The following SLC22A14 variants were observed in gnomAD, a reference collection of about 807,000 sequenced individuals.
SLC22A14 encodes the protein organic cation transporter-like 4.
A neutral mutation model predicts 53.9 loss-of-function variants in SLC22A14; 50 were observed. The observed-to-expected ratio is 0.93, with a 90% confidence interval of 0.74 to 1.17. The LOEUF is 1.17. Among genes scored for constraint, SLC22A14 ranks in the 50% most tolerant of loss-of-function variants. The pLI is 0.00. For missense variants in SLC22A14, 671 were observed against 734.7 expected, an observed-to-expected ratio of 0.91 and a Z score of 1.00; for synonymous variants, 312 against 303.0, an observed-to-expected ratio of 1.03 and a Z score of -0.31.
At chr3:38,290,641 T>A (rs1000223755) in intron 1 of SLC22A14, among the ~76,000 whole-genome samples, 1 of 152,218 alleles carries the variant, frequency 6.6e-6, no homozygotes, top group Admixed American at 6.5e-5. Flanking sequence ...TTTTAAGTAA[T>A]TTTCATTGGT....
intron 1 of SLC22A14, among the ~76,000 whole-genome samples, chr3:38,298,068 T>C (rs1365485501): frequency 6.6e-6 from 1 of 152,178 alleles, no homozygotes; most frequent in African/African-American, 2.4e-5. Flanking sequence ...CTTATTTATA[T>C]TATTATGGAC....
Position 38,307,449 on chromosome 3 carries a change from G to A in SLC22A14, c.620+92G>A, listed in dbSNP as rs975274224. 1 of 1,533,610 alleles carries A rather than the reference G, an allele frequency of 6.5e-7. No homozygotes were observed. The highest frequency in any genetic ancestry group is 1.1e-5 in the South Asian group (1 of 89,350). On this transcript the variant is annotated intron_variant, in intron 3 of 10. Transcript: ENST00000448498. This position sits in a 1 kb window ranked among gnomAD's most constrained non-coding sequence, Gnocchi z 4.4. ...TGGAGTGTGTCAGGCTGAGGGAGGT[G>A]AGGGTAGGGGTTCTCCAGGGACCCA... is the stretch of plus-strand genomic sequence containing the variant.
chr3:38,280,149 G>A (rs1484963346), upstream of SLC22A14, among the ~76,000 whole-genome samples: 1 of 152,152 alleles, frequency 6.6e-6, no homozygotes, highest in Non-Finnish European at 1.5e-5. Context: ...AGAGAACTGC[G>A]CATGCTGGAG....
At chr3:38,302,940 ACTTT>A (rs1407454467) in intron 1 of SLC22A14, among the ~76,000 whole-genome samples, 2 of 152,066 alleles carry the variant, frequency 1.3e-5, no homozygotes, top group Non-Finnish European at 2.9e-5. Context: ...AACTTTTAAG[ACTTT>A]CTATTTATTC....
rs1477902757 is a variant in SLC22A14, at chr3:38,307,916, G to T, written c.775+196G>T. 1 of 607,570 alleles carries T rather than the reference G, an allele frequency of 1.6e-6. No individual in the cohort carries two copies. The highest frequency in any genetic ancestry group is 2.9e-6 in the Non-Finnish European group (1 of 345,890). The allele number at this position is 607,570 out of a possible 1,614,324, so 37.6% of individuals were successfully genotyped here. The stretch of plus-strand genomic sequence containing the variant: ...GGGATCCCACAGGACACAGAGTCAG[G>T]GGCCTAATTGGACAGGCAGAAGTGG... On this transcript the variant is annotated intron_variant, in intron 4 of 10. Coordinates refer to ENST00000448498, the MANE Select transcript of SLC22A14 (RefSeq NM_001320033.2). The surrounding 1 kb of genome is among the most constrained non-coding windows in gnomAD (Gnocchi z 4.4).
intron 10 of SLC22A14, among the ~76,000 whole-genome samples, chr3:38,316,810 T>C (rs957688471): frequency 2.6e-5 from 4 of 152,246 alleles, no homozygotes; most frequent in African/African-American, 9.6e-5. Flanking sequence ...GCATTGCCTT[T>C]GGGCATACCC....
chr3:38,315,478 G>A (rs1322899714), intron 8 of SLC22A14, 80 bp from the exon 9 acceptor site: 1 of 1,439,364 alleles, frequency 6.9e-7, no homozygotes, highest in Non-Finnish European at 9.5e-7. Flanking sequence ...AGCTGGGCAG[G>A]TGGTGGGGAA....
chr3:38,279,186 G>A (rs1190699514), upstream of SLC22A14, among the ~76,000 whole-genome samples: 3 of 152,206 alleles, frequency 2.0e-5, no homozygotes, highest in African/African-American at 7.2e-5. Context: ...TCTCAGCTTT[G>A]AAGTGCTAGA....
chr3:38,311,648 T>A (rs1047501297), intron 5 of SLC22A14, among the ~76,000 whole-genome samples: 8 of 152,214 alleles, frequency 5.3e-5, no homozygotes, highest in Non-Finnish European at 8.8e-5. Flanking sequence ...ATTTCATCAC[T>A]TACAAGTTCC....
chr3:38,296,554 G>C (rs1254734447), intron 1 of SLC22A14, among the ~76,000 whole-genome samples: 1 of 152,150 alleles, frequency 6.6e-6, no homozygotes, highest in East Asian at 1.9e-4. Flanking sequence ...ATGTTACTGG[G>C]GGTCCTTGCT....
chr3:38,297,179 G>A (rs1016178379), intron 1 of SLC22A14, among the ~76,000 whole-genome samples: 1 of 152,164 alleles, frequency 6.6e-6, no homozygotes, highest in African/African-American at 2.4e-5. Context: ...TGCCTAATTA[G>A]CATTTTAGTG....
chr3:38,284,022 G>A (rs187879606), intron 1 of SLC22A14, among the ~76,000 whole-genome samples: 1 of 152,302 alleles, frequency 6.6e-6, no homozygotes, highest in Non-Finnish European at 1.5e-5. Context: ...AAGACACAGT[G>A]AGGCACCAAA....
chr3:38,282,167 GC>G (rs1407330450), upstream of SLC22A14: 6 of 152,280 alleles, frequency 3.9e-5, no homozygotes, highest in African/African-American at 1.4e-4. Flanking sequence ...TTCCTGACCT[GC>G]CTTGCCCCTG....
At chr3:38,288,705 A>G (rs1046843979) in intron 1 of SLC22A14, among the ~76,000 whole-genome samples, 1 of 152,006 alleles carries the variant, frequency 6.6e-6, no homozygotes, top group African/African-American at 2.4e-5. Context: ...AAAGTTTCCC[A>G]TTTAAAAAAA....
chr3:38,278,884 G>A (rs1242793201), upstream of SLC22A14, among the ~76,000 whole-genome samples: 3 of 149,820 alleles, frequency 2.0e-5, no homozygotes, highest in African/African-American at 5.0e-5. Flanking sequence ...ACCTCAAGCC[G>A]GACTGCCTTC....
chr3:38,292,018 T>C (rs1703923983), intron 1 of SLC22A14, among the ~76,000 whole-genome samples: 2 of 152,360 alleles, frequency 1.3e-5, no homozygotes, highest in African/African-American at 4.8e-5. Context: ...AATTTTAGCC[T>C]TAAGTATTTA....
chr3:38,306,408 T>G lies in SLC22A14; in HGVS notation c.382T>G (p.Phe128Val), dbSNP rs1054683272. ...CATACCCCAAGCACCCAATGGCAGT[T>G]TCCTGACATGCTTCATGTACCTTCC... Reference protein sequence around the residue: ...LTIPQAPNGSFLTCFMYLPVP... With the variant: ...LTIPQAPNGSVLTCFMYLPVP... The change falls in exon 2 of 11, where the codon TTC (phenylalanine) becomes GTC (valine). Residue 128 changes from phenylalanine to valine, a missense_variant. Phe to Val is a conservative substitution (Grantham distance 50). Transcript: ENST00000448498. 4 of 1,614,124 alleles carry G rather than the reference T, an allele frequency of 2.5e-6. No homozygotes were observed. In the African/African-American group the frequency reaches 5.3e-5, roughly 22 times the overall value.
At chr3:38,317,752 A>G (rs112769383) in intron 10 of SLC22A14, among the ~76,000 whole-genome samples, 173 of 152,364 alleles carry the variant, frequency 1.1e-3, no homozygotes, top group African/African-American at 4.1e-3. Context: ...TGTTCTACAC[A>G]TGCCTTATCT....
chr3:38,314,481 A>T (rs1417411542), intron 8 of SLC22A14, among the ~76,000 whole-genome samples: 1 of 152,218 alleles, frequency 6.6e-6, no homozygotes, highest in African/African-American at 2.4e-5. Context: ...CTGGCTTAGC[A>T]CTAGAAAAGG....
Sources: allele counts gnomAD v4.1 joint callset (sites outside exome capture counted in the v4.1 genomes callset), GRCh38; gene constraint gnomAD v4.1.1; non-coding constraint Gnocchi (gnomAD v3.1); transcripts MANE v1.5; gene names NCBI Gene and HGNC (gene_info 2026-07-23, HGNC 2026-07-21).